KPNA6: variants seen among roughly 807,000 people sequenced by gnomAD.
KPNA6 encodes the protein importin subunit alpha-7.
A neutral mutation model predicts 72.0 loss-of-function variants in KPNA6; 9 were observed. The ratio of observed to expected loss-of-function variants is 0.13; its 90% confidence interval spans 0.08 to 0.22. KPNA6 has a LOEUF of 0.22. Among genes scored for constraint, KPNA6 ranks in the 10% least tolerant of loss-of-function variants. The pLI is 1.00. For missense variants in KPNA6, 374 were observed against 655.7 expected (o/e 0.57, Z 4.69); for synonymous variants, 219 against 242.1 (o/e 0.90, Z 0.89).
chr1:32,137,142 C>G (rs1292104176), intron 1 of KPNA6, among the ~76,000 whole-genome samples: 2 of 152,050 alleles, frequency 1.3e-5, no homozygotes, highest in African/African-American at 4.8e-5. Flanking sequence ...TTAAGTGGTT[C>G]TTTGGGTTCT....
intron 1 of KPNA6, among the ~76,000 whole-genome samples, chr1:32,120,497 C>T (rs1210823131): frequency 6.6e-6 from 1 of 150,698 alleles, no homozygotes. Flanking sequence ...ATCTGCCCGC[C>T]TCAGCCTCCC....
chr1:32,125,760 C>T (rs191633433), intron 1 of KPNA6, among the ~76,000 whole-genome samples: 4 of 152,046 alleles, frequency 2.6e-5, no homozygotes, highest in Admixed American at 2.0e-4. Context: ...TTCCAGAATC[C>T]TAATTTTTTG....
At chr1:32,109,676 C>T (rs1263946510) in intron 1 of KPNA6, among the ~76,000 whole-genome samples, 1 of 147,036 alleles carries the variant, frequency 6.8e-6, no homozygotes, top group Non-Finnish European at 1.5e-5. Flanking sequence ...CGGAGTCTGG[C>T]TCTGTTGCCC....
intron 1 of KPNA6, among the ~76,000 whole-genome samples, chr1:32,126,275 A>C (rs1482626661): frequency 6.6e-6 from 1 of 151,504 alleles, no homozygotes; most frequent in East Asian, 1.9e-4. Flanking sequence ...TATGGAGAAG[A>C]AGATGCTTCC....
chr1:32,163,931 A>G (rs1457247015), intron 10 of KPNA6, among the ~76,000 whole-genome samples: 2 of 152,210 alleles, frequency 1.3e-5, no homozygotes, highest in African/African-American at 2.4e-5. Flanking sequence ...AAAATACAAC[A>G]TAAAATTTAC....
Position 32,167,185 on chromosome 1 carries a change from A to G in KPNA6, c.1133A>G (p.Asn378Ser), listed in dbSNP as rs1420624436. The change falls in exon 12 of 14, where the codon AAT (asparagine) becomes AGT (serine). Residue 378 changes from asparagine to serine, a missense_variant. By Grantham distance (46) the Asn-to-Ser change is conservative. This residue lies in a region of KPNA6 where 298 missense variants were observed against 495.4 expected (regional missense o/e 0.60). Coordinates refer to ENST00000373625, the MANE Select transcript of KPNA6 (RefSeq NM_012316.5). ...RAQIQAVIDANIFPVLIEILQ... is the reference protein window; with the variant it reads ...RAQIQAVIDASIFPVLIEILQ... ...CTCTCTCAGGCTGTTATAGATGCAA[A>G]TATCTTCCCTGTGTTGATCGAAATC... 17 of 1,613,872 alleles carry G rather than the reference A, an allele frequency of 1.1e-5. No individual in the cohort carries two copies. Among genetic ancestry groups the G allele is most frequent in the Non-Finnish European group, 1.4e-5 (16 of 1,179,944 alleles).
intron 12 of KPNA6, among the ~76,000 whole-genome samples, chr1:32,168,248 G>A (rs1379591990): frequency 6.6e-6 from 1 of 152,240 alleles, no homozygotes; most frequent in South Asian, 2.1e-4. Context: ...TTTTGTGTAT[G>A]TGTGCTCTTT....
intron 1 of KPNA6, among the ~76,000 whole-genome samples, chr1:32,126,260 C>T (rs566038857): frequency 3.3e-5 from 5 of 151,852 alleles, no homozygotes; most frequent in Admixed American, 6.6e-5. Flanking sequence ...TATAAGGAAC[C>T]GGTTTATGGA....
At chr1:32,135,869 A>G (rs1222797662) in intron 1 of KPNA6, among the ~76,000 whole-genome samples, 1 of 151,982 alleles carries the variant, frequency 6.6e-6, no homozygotes, top group Non-Finnish European at 1.5e-5. Flanking sequence ...CATACTAAAT[A>G]TACTAAAAAT....
chr1:32,149,551 G>A (rs976334251), intron 1 of KPNA6, among the ~76,000 whole-genome samples: 4 of 152,236 alleles, frequency 2.6e-5, no homozygotes, highest in East Asian at 3.9e-4. Flanking sequence ...TTTATTCCGC[G>A]AATGGGCCAT....
At chr1:32,164,715 C>G (rs768198212) in intron 10 of KPNA6, among the ~76,000 whole-genome samples, 1 of 136,406 alleles carries the variant, frequency 7.3e-6, no homozygotes, top group Non-Finnish European at 1.6e-5. Context: ...GGACACATGT[C>G]TATTCAAGTC....
intron 1 of KPNA6, among the ~76,000 whole-genome samples, chr1:32,128,218 T>C (rs984988410): frequency 2.6e-5 from 4 of 151,512 alleles, no homozygotes; most frequent in Non-Finnish European, 4.4e-5. Flanking sequence ...CCCAGTCTTC[T>C]CCTGTGTCTC....
chr1:32,170,909 G>A lies in KPNA6; in HGVS notation c.*15G>A. ...TCCAGCTATAATATCTGCCTCCAGG[G>A]AGGGGAGGGGATGGGAAGCACCACC... On this transcript the variant is annotated 3_prime_UTR_variant, in exon 14 of 14. Transcript: ENST00000373625. The A allele has an allele frequency of 6.2e-7, 1 of 1,611,820 alleles. No individual in the cohort carries two copies. The highest frequency in any genetic ancestry group is 8.5e-7 in the Non-Finnish European group (1 of 1,178,234).
At chr1:32,148,550 T>C (rs1029244046) in intron 1 of KPNA6, among the ~76,000 whole-genome samples, 5 of 151,466 alleles carry the variant, frequency 3.3e-5, no homozygotes, top group East Asian at 1.9e-4. Context: ...ATGTGGTGTA[T>C]ATTGGTCTTT....
chr1:32,136,320 G>C (rs1265318894), intron 1 of KPNA6, among the ~76,000 whole-genome samples: 1 of 151,976 alleles, frequency 6.6e-6, no homozygotes, highest in Non-Finnish European at 1.5e-5. Context: ...ATAAGTGCCT[G>C]CCACCACACA....
intron 1 of KPNA6, among the ~76,000 whole-genome samples, chr1:32,119,028 ATATATTT>A (rs1641383970): frequency 1.6e-5 from 1 of 63,212 alleles, no homozygotes; most frequent in Non-Finnish European, 2.7e-5. Context: ...ATATATATAT[ATATATTT>A]TTTTTTTTTT....
In KPNA6 at chr1:32,116,184, CTTTTCTTTTTTTTTTTTTT is replaced by C. The variant is rs1641324847; in HGVS notation, c.4+8051_4+8069del. On this transcript the variant is annotated intron_variant, in intron 1 of 13. Transcript: ENST00000373625. ...TGGCAATAAGGCTGTTTTTTCTTTT[CTTTTCTTTTTTTTTTTTTT>C]GAGACAGAGGCTGGAGTGCAGTGGC... 2.0e-5 allele frequency among the ~76,000 whole-genome samples: 3 copies of C among 147,042 alleles called. No homozygotes were observed. In the South Asian group the frequency reaches 6.7e-4, roughly 33 times the overall value.
chr1:32,113,491 A>T (rs1403653429), intron 1 of KPNA6, among the ~76,000 whole-genome samples: 5 of 152,164 alleles, frequency 3.3e-5, no homozygotes, highest in Non-Finnish European at 7.3e-5. Context: ...TCACTCTGTC[A>T]CACAGGCTGG....
intron 1 of KPNA6, among the ~76,000 whole-genome samples, chr1:32,146,867 T>A (rs1641937531): frequency 6.7e-6 from 1 of 149,252 alleles, no homozygotes; most frequent in Non-Finnish European, 1.5e-5. Context: ...TTTTGTTTTT[T>A]GTGTTTTTTT....
Sources: gnomAD v4.1 joint callset for allele counts (sites outside exome capture counted in the v4.1 genomes callset) on GRCh38, gnomAD v4.1.1 for gene constraint, gnomAD v4.1.1 regional missense constraint, MANE v1.5 for transcripts, NCBI Gene and HGNC (gene_info 2026-07-23, HGNC 2026-07-21) for gene names.